Variants in WDFY4 observed in about 807,000 individuals in gnomAD.
WDFY4 encodes the protein WD repeat- and FYVE domain-containing protein 4.
WDFY4 carries 169 observed loss-of-function variants against 351.9 expected under a neutral mutation model. The ratio of observed to expected loss-of-function variants is 0.48; its 90% confidence interval spans 0.42 to 0.55. The LOEUF (loss-of-function observed/expected upper bound fraction) is 0.55, where lower values mean the gene tolerates loss of function less well. Ranked by LOEUF, WDFY4 falls within the 20% of genes least tolerant of loss-of-function variation. The pLI, the probability that WDFY4 is intolerant of heterozygous loss-of-function variation, is 0.00. For missense variants in WDFY4, 3,803 were observed against 3,935.6 expected (o/e 0.97, Z 0.90); for synonymous variants, 1,622 against 1,574.6 (o/e 1.03, Z -0.71).
At chr10:48,906,938 ATT>A (rs146341357) in intron 47 of WDFY4, among the ~76,000 whole-genome samples, 13 of 148,376 alleles carry the variant, frequency 8.8e-5, no homozygotes, top group African/African-American at 3.0e-4. Context: ...GGCTTTTGCG[ATT>A]TTTTTTTTTT....
intron 39 of WDFY4, among the ~76,000 whole-genome samples, chr10:48,834,653 A>G (rs768753645): frequency 6.6e-5 from 10 of 152,184 alleles, no homozygotes; most frequent in Non-Finnish European, 1.3e-4. Context: ...CCTTGGCTTC[A>G]TCATGGAGCT....
At chr10:48,688,483 T>G (rs1011147633) in intron 1 of WDFY4, among the ~76,000 whole-genome samples, 2 of 152,242 alleles carry the variant, frequency 1.3e-5, no homozygotes, top group African/African-American at 4.8e-5. Flanking sequence ...AAATACAATG[T>G]TACTATTTTC....
chr10:48,690,427 T>C (rs1033101744), intron 1 of WDFY4, among the ~76,000 whole-genome samples: 1 of 152,220 alleles, frequency 6.6e-6, no homozygotes, highest in Admixed American at 6.5e-5. Context: ...CTGTGGCCAG[T>C]GGCACCTTTG....
intron 11 of WDFY4, among the ~76,000 whole-genome samples, chr10:48,736,493 G>A (rs747319492): frequency 1.3e-5 from 2 of 152,226 alleles, no homozygotes; most frequent in Non-Finnish European, 2.9e-5. Flanking sequence ...TGTTTTCCCT[G>A]GCTAGGCAGC....
intron 40 of WDFY4, among the ~76,000 whole-genome samples, chr10:48,871,125 C>T (rs1267780434): frequency 2.0e-5 from 3 of 152,006 alleles, no homozygotes; most frequent in East Asian, 1.9e-4. Flanking sequence ...TTAGAAGAGA[C>T]GGGGTTTCAC....
At chr10:48,822,178 C>T (rs1325593358) in intron 34 of WDFY4, among the ~76,000 whole-genome samples, 3 of 152,220 alleles carry the variant, frequency 2.0e-5, no homozygotes, top group African/African-American at 7.2e-5. Flanking sequence ...TGGTTTATGT[C>T]GCTGACCAGA....
At position 48,867,314 on chromosome 10, in the gene WDFY4, A is replaced by G; in HGVS notation, c.6713A>G (p.Tyr2238Cys). The G allele has an allele frequency of 6.6e-7, 1 of 1,504,950 alleles. No homozygotes were observed. Among genetic ancestry groups the G allele is most frequent in the Non-Finnish European group, 8.9e-7 (1 of 1,122,638 alleles). 93.2% of individuals were successfully genotyped at this position (1,504,950 alleles called of 1,614,324 possible). A position where few individuals can be genotyped will look rare whatever the true frequency, so the allele number is the denominator to read the frequency against. Residue 2238 changes from tyrosine (Y) to cysteine (C), a missense_variant, in exon 40 of 62, where the codon TAT becomes TGT. Around this residue, in one of 3 missense-constraint regions of WDFY4, gnomAD observed 3,054 missense variants for 3,148.6 expected, o/e 0.97. Transcript: ENST00000325239. The part of the protein sequence containing the change: ...ENYRRRGQEL[Y>C]ASLYKDHVQR... ...TACAGAAGAAGAGGACAAGAGCTAT[A>G]TGCATCTTTATACAAAGACCATGTG...
At chr10:48,979,401 C>G (rs535796167) in intron 60 of WDFY4, among the ~76,000 whole-genome samples, 7 of 152,362 alleles carry the variant, frequency 4.6e-5, no homozygotes, top group Admixed American at 2.6e-4. Context: ...AAGCAGTTTT[C>G]TGCTATACCT....
At chr10:48,960,598 CCA>C (rs1176318424) in intron 53 of WDFY4, among the ~76,000 whole-genome samples, 1 of 152,146 alleles carries the variant, frequency 6.6e-6, no homozygotes. Context: ...GAAAGCATGT[CCA>C]CACAAAAACT....
At chr10:48,707,565 C>G (rs1290598934) in intron 1 of WDFY4, among the ~76,000 whole-genome samples, 4 of 152,180 alleles carry the variant, frequency 2.6e-5, no homozygotes, top group Non-Finnish European at 5.9e-5. Context: ...GTGATGCCCA[C>G]TTTGGAACAC....
chr10:48,898,614 C>T (rs1837207297), intron 45 of WDFY4, among the ~76,000 whole-genome samples: 1 of 152,136 alleles, frequency 6.6e-6, no homozygotes, highest in African/African-American at 2.4e-5. Context: ...TCAGGGTGGC[C>T]TTTAAGGTGG....
Position 48,787,881 on chromosome 10 carries a change from TCTTCTTCTTCTCC to T in WDFY4, c.3809-648_3809-636del, listed in dbSNP as rs2066485213. Among the ~76,000 whole-genome samples, 3 of 92,966 alleles carry T rather than the reference TCTTCTTCTTCTCC, an allele frequency of 3.2e-5. 1 individual carries two copies. The highest frequency in any genetic ancestry group is 2.4e-4 in the African/African-American group (3 of 12,650). 61.0% of individuals were successfully genotyped at this position (92,966 alleles called of 152,430 possible). On this transcript the variant is annotated intron_variant, in intron 20 of 61. Transcript: ENST00000325239. ...TCTTTCTTCTTCTTTCTTCTTTCTT[TCTTCTTCTTCTCC>T]TTCTTCTTCTTCTTCTTCTTCTTCT...
chr10:48,717,009 C>T (rs1008764709), intron 2 of WDFY4, among the ~76,000 whole-genome samples: 3 of 152,290 alleles, frequency 2.0e-5, no homozygotes, highest in East Asian at 1.9e-4. Context: ...GGTATGTGCA[C>T]GCATGTGTGA....
Position 48,729,515 on chromosome 10 carries a change from G to A in WDFY4, c.1055G>A (p.Arg352Lys). ...GLVVWLTTCG[R>K]SELKVFDSIT... ...GTGGTGTGGCTGACAACCTGTGGGA[G>A]GTCAGAGCTGAAGGTGTTTGACAGC... is the stretch of plus-strand genomic sequence containing the variant. Residue 352 changes from arginine (R) to lysine (K), a missense_variant, in exon 8 of 62, where the codon AGG becomes AAG. Around this residue, in one of 3 missense-constraint regions of WDFY4, gnomAD observed 488 missense variants for 456.8 expected, o/e 1.07. Coordinates refer to ENST00000325239, the MANE Select transcript of WDFY4 (RefSeq NM_001394531.1). The A allele has an allele frequency of 6.4e-7, 1 of 1,551,734 alleles. No individual in the cohort carries two copies. The highest frequency in any genetic ancestry group is 8.7e-7 in the Non-Finnish European group (1 of 1,146,996).
chr10:48,807,979 C>A, intron 28 of WDFY4, 21 bp downstream of exon 28: 4 of 1,511,562 alleles, frequency 2.6e-6, no homozygotes, highest in South Asian at 1.3e-5. Context: ...CCAGGAAGAG[C>A]AATTTGGCAG....
rs192242500 is a variant in WDFY4 at position 48,761,897 on chromosome 10, G to A, written c.2553+1457G>A. Reference sequence around the variant, plus strand: ...AGTTTTGTCGAGGGCATCAATGCCAGTATTTTAACCAATGGAGAAATGTGA... The same window carrying A: ...AGTTTTGTCGAGGGCATCAATGCCAATATTTTAACCAATGGAGAAATGTGA... On this transcript the variant is annotated intron_variant, in intron 13 of 61. Transcript: ENST00000325239. 1.7e-3 allele frequency among the ~76,000 whole-genome samples: 253 copies of A among 152,360 alleles called. 1 individual carries two copies. Among genetic ancestry groups the A allele is most frequent in the Non-Finnish European group, 2.7e-3 (186 of 68,038 alleles).
intron 30 of WDFY4, among the ~76,000 whole-genome samples, chr10:48,813,165 G>C (rs1233161848): frequency 6.6e-6 from 1 of 152,140 alleles, no homozygotes; most frequent in African/African-American, 2.4e-5. Flanking sequence ...TCTCAATCGA[G>C]TTGAGTTAAA....
chr10:48,966,640 C>T lies in WDFY4; in HGVS notation c.8551C>T (p.Gln2851Ter). The change falls in exon 55 of 62, where the codon CAG (glutamine) becomes TAG (stop). Residue 2851 changes from glutamine to a stop codon, truncating the protein, a stop_gained. Transcript: ENST00000325239. LOFTEE classifies it high-confidence loss of function. Reference protein sequence around the residue: ...GHPQPFFYSLQSLRPSQVTVK... With the variant: ...GHPQPFFYSL ...CCCACAGCCCTTTTTCTACAGCCTG[C>T]AGTCGCTGAGGCCCTCCCAGGTCAC... 7 of 1,551,810 alleles carry T rather than the reference C, an allele frequency of 4.5e-6. No homozygotes were observed. Among genetic ancestry groups the T allele is most frequent in the Non-Finnish European group, 6.1e-6 (7 of 1,147,012 alleles).
intron 47 of WDFY4, among the ~76,000 whole-genome samples, chr10:48,915,146 G>A (rs1185577214): frequency 6.6e-6 from 1 of 152,288 alleles, no homozygotes; most frequent in Non-Finnish European, 1.5e-5. Flanking sequence ...CCCTTACAGA[G>A]CTATGAGGGG....
Sources: gnomAD v4.1 joint callset for allele counts (sites outside exome capture counted in the v4.1 genomes callset) on GRCh38, gnomAD v4.1.1 for gene constraint, gnomAD v4.1.1 regional missense constraint, MANE v1.5 for transcripts, NCBI Gene and HGNC (gene_info 2026-07-23, HGNC 2026-07-21) for gene names.